The following WDR33 variants were observed in gnomAD, a reference collection of about 807,000 sequenced individuals.
WDR33 encodes WD repeat domain 33.
WDR33 carries 47 observed loss-of-function variants against 164.9 expected under a neutral mutation model. The observed-to-expected ratio is 0.29, with a 90% CI of 0.23 to 0.36. WDR33 has a LOEUF of 0.36. WDR33 is among the 10% of genes least tolerant of loss of function. The pLI, the probability that WDR33 is intolerant of heterozygous loss-of-function variation, is 1.00. For synonymous variants in WDR33, 505 were observed against 589.0 expected (o/e 0.86, Z 2.06); for missense variants, 1,137 against 1,754.1 (o/e 0.65, Z 6.28).
rs144447847 is a variant in WDR33, at chr2:127,706,362, C to T, written c.3972G>A (p.Pro1324=). 4.2e-5 allele frequency: 67 copies of T among 1,600,148 alleles called. No homozygotes were observed. In the African/African-American group the frequency reaches 4.6e-4, roughly 11 times the overall value. Residue 1324 remains proline (P), a synonymous_variant, in exon 22 of 22, where the codon CCG becomes CCA. Coordinates refer to ENST00000322313, the MANE Select transcript of WDR33 (RefSeq NM_018383.5). The surrounding 1 kb of genome is among the most constrained non-coding windows in gnomAD (Gnocchi z 5.1). ...GRGSNMNSGP[P]RRGASRGGGR... ...CACCACCCCGTGAAGCTCCTCGCCT[C>T]GGCGGGCCAGAGTTCATGTTACTCC...
In WDR33 at chr2:127,764,678, G is replaced by A; in HGVS notation, c.626+150C>T. 5 of 1,590,562 alleles carry A rather than the reference G, an allele frequency of 3.1e-6. No homozygotes were observed. The highest frequency in any genetic ancestry group is 4.3e-6 in the Non-Finnish European group (5 of 1,167,716). The stretch of plus-strand genomic sequence containing the variant: ...AAGGTGCCAGCAAAATGGTGAATGT[G>A]TGAAAACAAAGAAAAATATTGTGTT... On this transcript the variant is annotated intron_variant, in intron 6 of 21. Transcript: ENST00000322313. The surrounding 1 kb of genome is among the most constrained non-coding windows in gnomAD (Gnocchi z 6.2).
intron 1 of WDR33, among the ~76,000 whole-genome samples, chr2:127,788,438 T>G: frequency 1.3e-5 from 1 of 75,492 alleles, no homozygotes; most frequent in African/African-American, 5.7e-5. Flanking sequence ...CCCCCCCACC[T>G]CCCTCCCGGA....
chr2:127,796,705 T>A (rs1315682214), intron 1 of WDR33, among the ~76,000 whole-genome samples: 1 of 152,064 alleles, frequency 6.6e-6, no homozygotes, highest in Admixed American at 6.6e-5. Flanking sequence ...ACATTTTATG[T>A]ACACTATCTT....
chr2:127,769,253 C>T (rs1213333722), intron 2 of WDR33, among the ~76,000 whole-genome samples: 5 of 151,958 alleles, frequency 3.3e-5, no homozygotes, highest in African/African-American at 9.7e-5. Flanking sequence ...TTTGTGAGGG[C>T]GAGGCAGGCA....
intron 1 of WDR33, among the ~76,000 whole-genome samples, chr2:127,809,031 C>CAAAAAAAAAA (rs11305287): frequency 2.4e-5 from 2 of 84,934 alleles, no homozygotes; most frequent in African/African-American, 9.3e-5. Flanking sequence ...ACTCTTGTCT[C>CAAAAAAAAAA]AAAAAAAAAA....
chr2:127,797,164 C>T (rs1220780009), intron 1 of WDR33, among the ~76,000 whole-genome samples: 1 of 151,454 alleles, frequency 6.6e-6, no homozygotes, highest in East Asian at 1.9e-4. Flanking sequence ...CTTTTAGCTA[C>T]AAAATATAAC....
chr2:127,808,642 C>A (rs145912759), intron 1 of WDR33, among the ~76,000 whole-genome samples: 2,171 of 152,210 alleles, frequency 0.014, 64 homozygotes, highest in African/African-American at 0.051. Flanking sequence ...TGCCTGTAAT[C>A]CCAGCACTTT....
Position 127,716,475 on chromosome 2 carries a change from C to G in WDR33, c.2869+680G>C, listed in dbSNP as rs1686303774. Among the ~76,000 whole-genome samples the G allele has an allele frequency of 1.3e-5, 2 of 152,186 alleles. No individual in the cohort carries two copies. Among genetic ancestry groups the G allele is most frequent in the Non-Finnish European group, 1.5e-5 (1 of 68,036 alleles). On this transcript the variant is annotated intron_variant, in intron 17 of 21. Transcript: ENST00000322313. This position sits in a 1 kb window ranked among gnomAD's most constrained non-coding sequence, Gnocchi z 4.5. The stretch of plus-strand genomic sequence containing the variant: ...TCCCCTCCATCCACTCCGAGTCACC[C>G]CCTGCAACTCTCCCCAACAGCGTGC...
chr2:127,736,052 G>C (rs748647245), intron 7 of WDR33: 18 of 985,462 alleles, frequency 1.8e-5, no homozygotes, highest in Non-Finnish European at 2.2e-5. Flanking sequence ...CAGGTAAGTT[G>C]AGCAATGCTG....
chr2:127,701,581 G>A lies in WDR33; in HGVS notation c.*4742C>T. The A allele has an allele frequency of 7.5e-7, 1 of 1,338,126 alleles. No homozygotes were observed. Among genetic ancestry groups the A allele is most frequent in the East Asian group, 3.1e-5 (1 of 32,324 alleles). The allele number at this position is 1,338,126 out of a possible 1,614,324, so 82.9% of individuals were successfully genotyped here. ...GAGTACCTGGCGCAGGGGAAAGCTG[G>A]CGGCCCGGCGGCCGCGGAGCCGCTG... On this transcript the variant is annotated 3_prime_UTR_variant, in exon 22 of 22. Coordinates refer to ENST00000322313, the MANE Select transcript of WDR33 (RefSeq NM_018383.5).
chr2:127,792,347 C>T (rs1030841876), intron 1 of WDR33, among the ~76,000 whole-genome samples: 5 of 152,032 alleles, frequency 3.3e-5, no homozygotes, highest in Non-Finnish European at 7.3e-5. Flanking sequence ...AATTTCCAAA[C>T]TGAGATGTTT....
intron 1 of WDR33, among the ~76,000 whole-genome samples, chr2:127,779,728 C>G (rs1688306446): frequency 1.3e-5 from 2 of 152,112 alleles, no homozygotes; most frequent in African/African-American, 4.8e-5. Context: ...CAAAGAAGAT[C>G]ACATATAGCA....
rs1021999603 is a variant in WDR33 at position 127,763,804 on chromosome 2, C to G, written c.627-645G>C. 8.4e-5 allele frequency: 83 copies of G among 985,522 alleles called. No homozygotes were observed. The highest frequency in any genetic ancestry group is 5.2e-4 in the Middle Eastern group (1 of 1,914). 61.0% of individuals were successfully genotyped at this position (985,522 alleles called of 1,614,324 possible). A position where few individuals can be genotyped will look rare whatever the true frequency, so the allele number is the denominator to read the frequency against. On this transcript the variant is annotated intron_variant, in intron 6 of 21. Coordinates refer to ENST00000322313, the MANE Select transcript of WDR33 (RefSeq NM_018383.5). This position sits in a 1 kb window ranked among gnomAD's most constrained non-coding sequence, Gnocchi z 4.5. Reference sequence around the variant, plus strand: ...TGCTGCAAGAAGGAGTCAGTTTTTCCCAGCAGTGAAAGATCATCAAGTTTC... The same window carrying G: ...TGCTGCAAGAAGGAGTCAGTTTTTCGCAGCAGTGAAAGATCATCAAGTTTC...
At position 127,701,699 on chromosome 2, in the gene WDR33, T is replaced by C; in HGVS notation, c.*4624A>G. 1 of 1,322,302 alleles carries C rather than the reference T, an allele frequency of 7.6e-7. No individual in the cohort carries two copies. Among genetic ancestry groups the C allele is most frequent in the Non-Finnish European group, 9.6e-7 (1 of 1,041,218 alleles). 81.9% of individuals were successfully genotyped at this position (1,322,302 alleles called of 1,614,324 possible). On this transcript the variant is annotated 3_prime_UTR_variant, in exon 22 of 22. Coordinates refer to ENST00000322313, the MANE Select transcript of WDR33 (RefSeq NM_018383.5). ...TGCGCTGGACGTGGGCGCGGAGCCC[T>C]GCGGAGTCGGCAGCGGCCGGCCTGA...
chr2:127,737,647 G>A (rs1452622930), intron 7 of WDR33: 2 of 1,020,436 alleles, frequency 2.0e-6, no homozygotes, highest in African/African-American at 3.4e-5. Flanking sequence ...AGAATAAAGA[G>A]AAGCCATGAC....
chr2:127,712,400 GA>G lies in WDR33; in HGVS notation c.3308+1182del, dbSNP rs202140924. On this transcript the variant is annotated intron_variant, in intron 18 of 21. Coordinates refer to ENST00000322313, the MANE Select transcript of WDR33 (RefSeq NM_018383.5). The surrounding 1 kb of genome is among the most constrained non-coding windows in gnomAD (Gnocchi z 4.0). Reference sequence around the variant, plus strand: ...ACAGAGCAAGACTCCGTCTCAAGAAGAAAAAAAAAAAAAAAGAAATGGGATG... The same window carrying G: ...ACAGAGCAAGACTCCGTCTCAAGAAGAAAAAAAAAAAAAAGAAATGGGATG... Among the ~76,000 whole-genome samples the G allele has an allele frequency of 0.038, 4,020 of 104,800 alleles. 155 individuals are homozygous for G. Among genetic ancestry groups the G allele is most frequent in the South Asian group, 0.22 (793 of 3,648 alleles). 68.8% of individuals were successfully genotyped at this position (104,800 alleles called of 152,430 possible).
intron 4 of WDR33, among the ~76,000 whole-genome samples, chr2:127,767,834 T>C (rs1687869857): frequency 6.6e-6 from 1 of 152,240 alleles, no homozygotes; most frequent in African/African-American, 2.4e-5. Flanking sequence ...TGTTTTCCTG[T>C]CTGTTAACTC....
chr2:127,794,387 C>G (rs1425357652), intron 1 of WDR33, among the ~76,000 whole-genome samples: 3 of 151,198 alleles, frequency 2.0e-5, no homozygotes. Flanking sequence ...GTAATCCCAG[C>G]TACTCGGGGG....
intron 1 of WDR33, among the ~76,000 whole-genome samples, chr2:127,790,241 CCTGA>C (rs1205219718): frequency 1.3e-5 from 2 of 152,202 alleles, no homozygotes; most frequent in African/African-American, 4.8e-5. Flanking sequence ...ACTAAATTAT[CCTGA>C]CTGATTTTCA....
Sources: gnomAD v4.1 joint callset for allele counts (sites outside exome capture counted in the v4.1 genomes callset) on GRCh38, gnomAD v4.1.1 for gene constraint, Gnocchi (gnomAD v3.1) non-coding constraint, MANE v1.5 for transcripts, NCBI Gene and HGNC (gene_info 2026-07-23, HGNC 2026-07-21) for gene names.